FBXL2: variants seen among roughly 807,000 people sequenced by gnomAD.
FBXL2 encodes F-box and leucine rich repeat protein 2.
Under a neutral mutation model 69.2 loss-of-function variants are expected in FBXL2, and 38 were observed. The observed-to-expected ratio is 0.55, with a 90% CI of 0.42 to 0.72. The LOEUF (loss-of-function observed/expected upper bound fraction) is 0.72. Ranked by LOEUF, FBXL2 falls within the 30% of genes least tolerant of loss-of-function variation. The pLI is 0.00. For missense variants in FBXL2, 354 were observed against 520.3 expected, an observed-to-expected ratio of 0.68 and a Z score of 3.11; for synonymous variants, 192 against 201.3, an observed-to-expected ratio of 0.95 and a Z score of 0.39.
At chr3:33,412,097 G>C in the FBXL2 span, among the ~76,000 whole-genome samples, 1 of 146,664 alleles carries the variant, frequency 6.8e-6, no homozygotes, top group Non-Finnish European at 1.5e-5. Context: ...TGAGGCACAA[G>C]AATCACTTGA....
At chr3:33,288,711 G>A (rs1025980993) in intron 1 of FBXL2, among the ~76,000 whole-genome samples, 2 of 152,166 alleles carry the variant, frequency 1.3e-5, no homozygotes. Flanking sequence ...AGTGTGGTAG[G>A]AAGTAAGATC....
the FBXL2 span, chr3:33,411,748 A>G: frequency 1.5e-6 from 2 of 1,310,250 alleles, no homozygotes; most frequent in African/African-American, 2.9e-5. Flanking sequence ...AAAACTTACA[A>G]CTTACTATAT....
the FBXL2 span, among the ~76,000 whole-genome samples, chr3:33,415,638 C>T: frequency 6.6e-6 from 1 of 151,986 alleles, no homozygotes. Context: ...ATTGTTCTAA[C>T]ATTTTTGGAT....
chr3:33,364,630 A>G lies in FBXL2; in HGVS notation c.201A>G (p.Arg67=), dbSNP rs1386721806. The G allele has an allele frequency of 3.1e-6, 5 of 1,613,996 alleles. No individual in the cohort carries two copies. The highest frequency in any genetic ancestry group is 4.2e-6 in the Non-Finnish European group (5 of 1,179,952). Residue 67 remains arginine, a synonymous_variant, in exon 5 of 15, where the codon CGA becomes CGG. Transcript: ENST00000484457. The stretch of plus-strand genomic sequence containing the variant: ...CCGAACTTTCTTGATTAAAGGGTCG[A>G]GTGGTGGAAAATATCTCGAAGCGAT... ...LFNFQTDVEG[R]VVENISKRCG...
chr3:33,400,916 G>A, intron 12 of FBXL2: 1 of 1,564,068 alleles, frequency 6.4e-7, no homozygotes, highest in Non-Finnish European at 8.7e-7. Context: ...ACTTTAAAAT[G>A]TAGAACCCTG....
intron 2 of FBXL2, among the ~76,000 whole-genome samples, chr3:33,316,201 G>A (rs1426288858): frequency 6.6e-6 from 1 of 151,918 alleles, no homozygotes; most frequent in Non-Finnish European, 1.5e-5. Context: ...TGGAATAAAG[G>A]TGTGCCCCAC....
chr3:33,393,527 A>G, intron 12 of FBXL2: 1 of 1,482,232 alleles, frequency 6.7e-7, no homozygotes, highest in Non-Finnish European at 9.1e-7. Context: ...GATCTGTAGG[A>G]TCTGTACGAA....
chr3:33,316,868 C>A (rs1259274735), intron 2 of FBXL2, among the ~76,000 whole-genome samples: 1 of 151,568 alleles, frequency 6.6e-6, no homozygotes, highest in Non-Finnish European at 1.5e-5. Flanking sequence ...ACTATCACCA[C>A]AGTCAGTGTA....
At chr3:33,286,386 C>A (rs1214419895) in intron 1 of FBXL2, among the ~76,000 whole-genome samples, 8 of 152,200 alleles carry the variant, frequency 5.3e-5, no homozygotes, top group Admixed American at 5.2e-4. Context: ...GCTGCCTGAT[C>A]CTTCCTCTGG....
chr3:33,331,265 CA>C (rs76522528), intron 2 of FBXL2, among the ~76,000 whole-genome samples: 37,264 of 151,788 alleles, frequency 0.25, 5,319 homozygotes, highest in East Asian at 0.48. Context: ...TCAAGTAAAA[CA>C]GAGAAGTAAA....
At chr3:33,395,695 C>G (rs2043951519) in intron 12 of FBXL2, among the ~76,000 whole-genome samples, 1 of 130,058 alleles carries the variant, frequency 7.7e-6, no homozygotes. Flanking sequence ...CATGCAGGCA[C>G]TGTTGCACAT....
chr3:33,343,084 C>T (rs2040185515), intron 2 of FBXL2, among the ~76,000 whole-genome samples: 1 of 151,018 alleles, frequency 6.6e-6, no homozygotes, highest in African/African-American at 2.4e-5. Context: ...GTTTTTTTTG[C>T]TTATATGCAT....
intron 2 of FBXL2, among the ~76,000 whole-genome samples, chr3:33,355,799 A>T (rs988735163): frequency 1.3e-5 from 2 of 152,200 alleles, no homozygotes; most frequent in African/African-American, 4.8e-5. Flanking sequence ...AAGGAGTCAG[A>T]ACTCAGTTTG....
intron 2 of FBXL2, chr3:33,297,927 G>T (rs1249036797): frequency 1.6e-6 from 1 of 622,476 alleles, no homozygotes; most frequent in African/African-American, 1.8e-5. Context: ...TACTAAGTAT[G>T]TACATAGCAT....
At chr3:33,413,502 G>A in the FBXL2 span, among the ~76,000 whole-genome samples, 3 of 138,150 alleles carry the variant, frequency 2.2e-5, no homozygotes, top group East Asian at 2.1e-4. Flanking sequence ...AGCCAAGTTC[G>A]CACCACTGCA....
chr3:33,278,266 G>T (rs1314211521), intron 1 of FBXL2: 1 of 152,192 alleles, frequency 6.6e-6, no homozygotes, highest in East Asian at 1.9e-4. Context: ...GTGCTGGCTT[G>T]AACAGACAAG....
chr3:33,318,907 T>C (rs998044327), intron 2 of FBXL2, among the ~76,000 whole-genome samples: 3 of 152,188 alleles, frequency 2.0e-5, no homozygotes, highest in Non-Finnish European at 4.4e-5. Flanking sequence ...CTCAGTTACA[T>C]GGCTGTACGT....
chr3:33,422,309 G>A, the FBXL2 span, among the ~76,000 whole-genome samples: 2 of 152,132 alleles, frequency 1.3e-5, no homozygotes, highest in Non-Finnish European at 2.9e-5. Context: ...GAAGGCCTGA[G>A]GCAGGAGGAC....
intron 5 of FBXL2, among the ~76,000 whole-genome samples, chr3:33,369,057 T>A (rs1191630370): frequency 1.6e-5 from 1 of 63,750 alleles, no homozygotes; most frequent in African/African-American, 7.0e-5. Context: ...TTCTTTTAGA[T>A]TTTTTTTTTT....
Sources: allele counts gnomAD v4.1 joint callset (sites outside exome capture counted in the v4.1 genomes callset), GRCh38; gene constraint gnomAD v4.1.1; transcripts MANE v1.5; gene names NCBI Gene and HGNC (gene_info 2026-07-23, HGNC 2026-07-21).